The following PADI1 variants were observed in gnomAD, a reference collection of about 807,000 sequenced individuals.
The protein encoded by PADI1 is peptidyl arginine deiminase 1.
A neutral mutation model predicts 74.8 loss-of-function variants in PADI1; 65 were observed. The ratio of observed to expected loss-of-function variants is 0.87; its 90% CI spans 0.71 to 1.07. The LOEUF is 1.07. Ranked by LOEUF, PADI1 falls within the 50% of genes least tolerant of loss-of-function variation. PADI1 has a pLI of 0.00. For missense variants in PADI1, 943 were observed against 854.0 expected (o/e 1.10, Z -1.30); for synonymous variants, 371 against 336.2 (o/e 1.10, Z -1.13).
chr1:17,244,108 G>T lies in PADI1; in HGVS notation c.1857G>T (p.Leu619=), dbSNP rs762732609. The change falls in exon 16 of 16, where the codon CTG becomes CTT. Residue 619 remains leucine (L), a synonymous_variant. Coordinates refer to ENST00000375471, the MANE Select transcript of PADI1 (RefSeq NM_013358.3). ...GCCTGGAGGAGAAGGTGCAGTCCCTGCTGGAGCCTCTGGGCCTGCACTGCA... is the reference window on the plus strand; with the variant it reads ...GCCTGGAGGAGAAGGTGCAGTCCCTTCTGGAGCCTCTGGGCCTGCACTGCA... ...RCCLEEKVQS[L]LEPLGLHCIF... 3.1e-6 allele frequency: 5 copies of T among 1,614,252 alleles called. No homozygotes were observed. In the Admixed American group the frequency reaches 8.3e-5, roughly 27 times the overall value.
rs2072521073 is a variant in PADI1, at chr1:17,232,706, A to G, written c.1162-113A>G. The G allele has an allele frequency of 3.5e-6, 3 of 858,068 alleles. No homozygotes were observed. In the East Asian group the frequency reaches 8.7e-5, roughly 25 times the overall value. 53.2% of individuals were successfully genotyped at this position (858,068 alleles called of 1,614,324 possible). A position where few individuals can be genotyped will look rare whatever the true frequency, so the allele number is the denominator to read the frequency against. ...GACAGAGATCGTTTTTCAGGTACTA[A>G]GAGCCATGGAGTGGGAGACCCCCAG... On this transcript the variant is annotated intron_variant, in intron 10 of 15. Coordinates refer to ENST00000375471, the MANE Select transcript of PADI1 (RefSeq NM_013358.3).
intron 15 of PADI1, among the ~76,000 whole-genome samples, chr1:17,241,920 A>C (rs942845592): frequency 1.3e-5 from 2 of 150,084 alleles, no homozygotes; most frequent in Non-Finnish European, 2.9e-5. Context: ...GCATGGAATC[A>C]GGGTTGGAAG....
At chr1:17,205,772 T>C (rs1190261905) in intron 1 of PADI1, among the ~76,000 whole-genome samples, 1 of 152,112 alleles carries the variant, frequency 6.6e-6, no homozygotes, top group Non-Finnish European at 1.5e-5. Flanking sequence ...GATAACTAGA[T>C]TGATTCCAAT....
At position 17,222,353 on chromosome 1, in the gene PADI1, G is replaced by A; in HGVS notation, c.156G>A (p.Met52Ile). The change falls in exon 2 of 16, where the codon ATG (methionine) becomes ATA (isoleucine). Residue 52 changes from methionine (M) to isoleucine (I), a missense_variant. Physicochemically the swap from Met to Ile is conservative, Grantham distance 10 (BLOSUM62 1). Coordinates refer to ENST00000375471, the MANE Select transcript of PADI1 (RefSeq NM_013358.3). ...GAAGCTCCGGGGTGGAGGTCTTCAT[G>A]GTCTACAACCGCACACGTGTGAAAG... is the stretch of plus-strand genomic sequence containing the variant. Reference protein sequence around the residue: ...VSGSSGVEVFMVYNRTRVKEP... With the variant: ...VSGSSGVEVFIVYNRTRVKEP... 1.2e-6 allele frequency: 2 copies of A among 1,614,056 alleles called. No homozygotes were observed. The highest frequency in any genetic ancestry group is 1.7e-6 in the Non-Finnish European group (2 of 1,179,930).
In PADI1 at chr1:17,244,003, T is replaced by C. The variant is rs2100538738; in HGVS notation, c.1759-7T>C. ...ACAGCCTCCCTCTTGCCTTTTCTCT[T>C]TTGCAGGTTAACATGGTGGTCTTAG... On this transcript the variant is annotated splice_region_variant and splice_polypyrimidine_tract_variant and intron_variant, in intron 15 of 15. Coordinates refer to ENST00000375471, the MANE Select transcript of PADI1 (RefSeq NM_013358.3). 6.2e-7 allele frequency: 1 copy of C among 1,603,674 alleles called. No homozygotes were observed. The highest frequency in any genetic ancestry group is 8.5e-7 in the Non-Finnish European group (1 of 1,171,232).
rs192715522 is a variant in PADI1, at chr1:17,245,540, A to G, written c.*1297A>G. 1.3e-5 allele frequency: 2 copies of G among 152,376 alleles called. No individual in the cohort carries two copies. Among genetic ancestry groups the G allele is most frequent in the Non-Finnish European group, 2.9e-5 (2 of 68,044 alleles). The allele number at this position is 152,376 out of a possible 1,614,324, so 9.4% of individuals were successfully genotyped here. On this transcript the variant is annotated 3_prime_UTR_variant, in exon 16 of 16. Transcript: ENST00000375471. The surrounding 1 kb of genome is among the most constrained non-coding windows in gnomAD (Gnocchi z 4.1). ...GCAGTTGGCCCTAGGGCTTCGGTCC[A>G]TCTAGGTTTTCAGTGGCCCCTGCTG...
chr1:17,225,903 C>T lies in PADI1; in HGVS notation c.501C>T (p.Thr167=). The stretch of plus-strand genomic sequence containing the variant: ...ACAGGTCCGCAGAGCCTGACCTCAC[C>T]CACAGCTGGCTGATGTCGCTGGCTG... The part of the protein sequence containing the change: ...DNHRSAEPDL[T]HSWLMSLADL... The change falls in exon 5 of 16, where the codon ACC becomes ACT. Residue 167 remains threonine (T), a synonymous_variant. Transcript: ENST00000375471. The T allele has an allele frequency of 1.2e-6, 2 of 1,614,016 alleles. No individual in the cohort carries two copies. The highest frequency in any genetic ancestry group is 1.7e-6 in the Non-Finnish European group (2 of 1,179,948).
Position 17,226,078 on chromosome 1 carries a change from A to G in PADI1, c.572A>G (p.Asp191Gly), listed in dbSNP as rs150923523. Residue 191 changes from aspartate to glycine, a missense_variant, in exon 6 of 16, where the codon GAC (aspartate) becomes GGC (glycine). Physicochemically the swap from Asp to Gly is moderately conservative, Grantham distance 94. Transcript: ENST00000375471. ...SPMLLSCNGP[D>G]KLFDSHKLVL... ...ATGCTGCTGAGCTGCAATGGCCCCG[A>G]CAAGCTCTTCGACAGCCACAAGCTT... is the stretch of plus-strand genomic sequence containing the variant. 10,424 of 1,614,148 alleles carry G rather than the reference A, an allele frequency of 6.5e-3. 57 individuals carry two copies. Among genetic ancestry groups the G allele is most frequent in the Non-Finnish European group, 7.9e-3 (9,381 of 1,180,026 alleles).
intron 1 of PADI1, among the ~76,000 whole-genome samples, chr1:17,206,691 T>C (rs1353068814): frequency 1.6e-4 from 22 of 133,692 alleles, no homozygotes; most frequent in African/African-American, 5.4e-4. Context: ...TTCTTTTTTT[T>C]TTTTTTTTTT....
At chr1:17,213,433 G>C (rs955575484) in intron 1 of PADI1, among the ~76,000 whole-genome samples, 14 of 152,286 alleles carry the variant, frequency 9.2e-5, no homozygotes, top group Admixed American at 9.2e-4. Flanking sequence ...GCAAGTCTTT[G>C]TTTCTTTGCA....
intron 1 of PADI1, among the ~76,000 whole-genome samples, chr1:17,217,162 C>T (rs1475810013): frequency 6.6e-6 from 1 of 151,972 alleles, no homozygotes; most frequent in Non-Finnish European, 1.5e-5. Context: ...GCCGATGGTG[C>T]CTATTCCAAT....
intron 1 of PADI1, among the ~76,000 whole-genome samples, chr1:17,212,123 A>G (rs1317774916): frequency 6.6e-6 from 1 of 152,180 alleles, no homozygotes; most frequent in Non-Finnish European, 1.5e-5. Flanking sequence ...CCCCGGGACT[A>G]TCAGCCTCCA....
chr1:17,227,484 TCATGCCACTGCACTCCA>T (rs1291020097), intron 6 of PADI1, among the ~76,000 whole-genome samples: 3 of 151,632 alleles, frequency 2.0e-5, no homozygotes, highest in Non-Finnish European at 4.4e-5. Flanking sequence ...GGAGCCGTGT[TCATGCCACTGCACTCCA>T]GCCTGGGAGA....
At chr1:17,207,637 G>A (rs1460729813) in intron 1 of PADI1, among the ~76,000 whole-genome samples, 1 of 152,226 alleles carries the variant, frequency 6.6e-6, no homozygotes, top group Non-Finnish European at 1.5e-5. Context: ...GGGAGCATAG[G>A]GTGTCTGTAA....
chr1:17,219,228 G>A (rs1457619672), intron 1 of PADI1, among the ~76,000 whole-genome samples: 1 of 152,052 alleles, frequency 6.6e-6, no homozygotes, highest in Admixed American at 6.6e-5. Context: ...GAGCAAGGGG[G>A]TGGCCGCAGC....
chr1:17,232,932 C>T lies in PADI1; in HGVS notation c.1275C>T (p.Tyr425=), dbSNP rs778628017. 5 of 1,611,360 alleles carry T rather than the reference C, an allele frequency of 3.1e-6. No individual in the cohort carries two copies. In the Admixed American group the frequency reaches 5.0e-5, roughly 16 times the overall value. Residue 425 remains tyrosine, a synonymous_variant, in exon 11 of 16, where the codon TAC becomes TAT. Coordinates refer to ENST00000375471, the MANE Select transcript of PADI1 (RefSeq NM_013358.3). ...SPPVTVGGTE[Y]PLGRILIGSS... is the part of the protein sequence containing the mutation. ...CCGTCACGGTGGGCGGCACGGAATA[C>T]CCCCTGGGCCGGATCCTCATCGGGA... is the stretch of plus-strand genomic sequence containing the variant.
intron 12 of PADI1, 72 bp from the exon 13 acceptor site, chr1:17,238,544 G>T (rs2072703296): frequency 5.3e-6 from 4 of 756,434 alleles, no homozygotes; most frequent in Non-Finnish European, 7.9e-6. Flanking sequence ...CCCCTCCTGA[G>T]TCCTGAGTCT....
rs756098797 is a variant in PADI1 at position 17,223,710 on chromosome 1, T to A, written c.346+17T>A. On this transcript the variant is annotated intron_variant, in intron 3 of 15. Coordinates refer to ENST00000375471, the MANE Select transcript of PADI1 (RefSeq NM_013358.3). ...CTGGCGTCGGTAAGTAGCAGCTCCC[T>A]GGCTGCCCATCTATCCCTTTGCCCC... 1.9e-6 allele frequency: 3 copies of A among 1,606,222 alleles called. No individual in the cohort carries two copies. In the African/African-American group the frequency reaches 4.0e-5, roughly 21 times the overall value.
In PADI1 at chr1:17,213,240, G is replaced by A. The variant is rs376389918; in HGVS notation, c.92+7931G>A. Among the ~76,000 whole-genome samples the A allele has an allele frequency of 5.5e-5, 8 of 144,472 alleles. No individual in the cohort carries two copies. In the East Asian group the frequency reaches 1.5e-3, roughly 27 times the overall value. 94.8% of individuals were successfully genotyped at this position (144,472 alleles called of 152,430 possible). ...TAAAAAAAGAAAAGAAAGCTGATCA[G>A]CTCCAAGCCTGCCTTTCTTCATGGT... On this transcript the variant is annotated intron_variant, in intron 1 of 15. Coordinates refer to ENST00000375471, the MANE Select transcript of PADI1 (RefSeq NM_013358.3).
Sources: gnomAD v4.1 joint callset for allele counts (sites outside exome capture counted in the v4.1 genomes callset) on GRCh38, gnomAD v4.1.1 for gene constraint, Gnocchi (gnomAD v3.1) non-coding constraint, MANE v1.5 for transcripts, NCBI Gene and HGNC (gene_info 2026-07-23, HGNC 2026-07-21) for gene names.